Variants in CYSTM1 observed in about 807,000 individuals in gnomAD.
The protein encoded by CYSTM1 is cysteine-rich transmembrane module-containing protein 1.
Under a neutral mutation model 13.1 loss-of-function variants are expected in CYSTM1, and 4 were observed. The observed-to-expected ratio is 0.31, with a 90% CI of 0.15 to 0.70. The LOEUF is 0.70. Among genes scored for constraint, CYSTM1 ranks in the 30% least tolerant of loss-of-function variants. CYSTM1 has a pLI of 0.72. For missense variants in CYSTM1, 96 were observed against 121.6 expected (o/e 0.79, Z 0.99); for synonymous variants, 36 against 42.7 (o/e 0.84, Z 0.62).
intron 2 of CYSTM1, chr5:140,201,872 A>G (rs1450277649): frequency 1.3e-5 from 2 of 152,074 alleles, no homozygotes; most frequent in Non-Finnish European, 2.9e-5. Flanking sequence ...TTCTGAGGGA[A>G]CAAACATTGC....
At chr5:140,209,038 C>CAA (rs58604987) in intron 2 of CYSTM1, among the ~76,000 whole-genome samples, 1 of 91,394 alleles carries the variant, frequency 1.1e-5, no homozygotes, top group Non-Finnish European at 2.3e-5. Flanking sequence ...GACTCCATCT[C>CAA]AAAAAAAAAA....
At chr5:140,223,275 A>G (rs982247926) in intron 2 of CYSTM1, among the ~76,000 whole-genome samples, 1 of 152,226 alleles carries the variant, frequency 6.6e-6, no homozygotes, top group Non-Finnish European at 1.5e-5. Flanking sequence ...TGCTCTTCTC[A>G]GGGCTGATGG....
intron 2 of CYSTM1, among the ~76,000 whole-genome samples, chr5:140,235,923 G>T (rs756527720): frequency 6.6e-6 from 1 of 152,062 alleles, no homozygotes; most frequent in Non-Finnish European, 1.5e-5. Context: ...CCCCATTACT[G>T]CCCTTCAGTC....
rs76699878 is a variant in CYSTM1, at chr5:140,203,125, T to G, written c.187+8473T>G. On this transcript the variant is annotated intron_variant, in intron 2 of 2. Coordinates refer to ENST00000261811, the MANE Select transcript of CYSTM1 (RefSeq NM_032412.4). ...TAGGTGGGTTTTTTCCATGTTACAA[T>G]GCAAGAATGGAATCTGCCAGGCCTT... is the stretch of plus-strand genomic sequence containing the variant. 2.3e-4 allele frequency: 35 copies of G among 152,272 alleles called. No individual in the cohort carries two copies. The East Asian group carries it at 5.8e-3, about 25-fold the overall frequency. The allele number at this position is 152,272 out of a possible 1,614,324, so 9.4% of individuals were successfully genotyped here. A position where few individuals can be genotyped will look rare whatever the true frequency, so the allele number is the denominator to read the frequency against.
chr5:140,202,401 C>G, intron 2 of CYSTM1: 1 of 152,144 alleles, frequency 6.6e-6, no homozygotes, highest in East Asian at 1.9e-4. Flanking sequence ...CAGATCTTGC[C>G]AGAGCAGAAT....
At chr5:140,235,250 G>C (rs1241360168) in intron 2 of CYSTM1, among the ~76,000 whole-genome samples, 1 of 151,886 alleles carries the variant, frequency 6.6e-6, no homozygotes, top group Non-Finnish European at 1.5e-5. Flanking sequence ...TTACAGGTTT[G>C]AGCCACCAAG....
At chr5:140,187,048 C>A (rs1474386385) in intron 1 of CYSTM1, among the ~76,000 whole-genome samples, 1 of 152,130 alleles carries the variant, frequency 6.6e-6, no homozygotes, top group African/African-American at 2.4e-5. Context: ...ATCGCTTGAA[C>A]CCGGAAGGCA....
intron 2 of CYSTM1, among the ~76,000 whole-genome samples, chr5:140,214,703 G>T (rs1204820181): frequency 6.6e-6 from 1 of 152,206 alleles, no homozygotes; most frequent in African/African-American, 2.4e-5. Context: ...AAACAATGAG[G>T]ACATTGGTTT....
intron 1 of CYSTM1, among the ~76,000 whole-genome samples, chr5:140,182,421 T>C (rs1197436875): frequency 1.3e-5 from 2 of 152,116 alleles, no homozygotes; most frequent in Non-Finnish European, 2.9e-5. Context: ...GTAAATGCAA[T>C]GTGAAACCAC....
intron 2 of CYSTM1, among the ~76,000 whole-genome samples, chr5:140,226,381 C>G (rs1487975458): frequency 6.8e-6 from 1 of 148,014 alleles, no homozygotes; most frequent in African/African-American, 2.5e-5. Context: ...ATAATCCCAG[C>G]ACTTTGGGAG....
chr5:140,194,772 A>G (rs1008830466), intron 2 of CYSTM1, 120 bp downstream of exon 2: 2 of 1,244,458 alleles, frequency 1.6e-6, no homozygotes, highest in African/African-American at 3.1e-5. Flanking sequence ...GATGTCCCCA[A>G]AGCTTGATGA....
chr5:140,212,305 A>G (rs1390536789), intron 2 of CYSTM1, among the ~76,000 whole-genome samples: 1 of 152,152 alleles, frequency 6.6e-6, no homozygotes, highest in East Asian at 1.9e-4. Context: ...GAAAATTTCT[A>G]TCCCTAGTGA....
At chr5:140,181,933 G>A (rs1034012599) in intron 1 of CYSTM1, among the ~76,000 whole-genome samples, 1 of 152,130 alleles carries the variant, frequency 6.6e-6, no homozygotes, top group Non-Finnish European at 1.5e-5. Flanking sequence ...ACCTTCGGCC[G>A]GGTAGTTGTA....
At chr5:140,199,766 C>T (rs1310401312) in intron 2 of CYSTM1, among the ~76,000 whole-genome samples, 1 of 152,294 alleles carries the variant, frequency 6.6e-6, no homozygotes, top group East Asian at 1.9e-4. Flanking sequence ...GGATTACATG[C>T]GTGAGCCACG....
chr5:140,231,264 TTGG>T (rs1257665575), intron 2 of CYSTM1, among the ~76,000 whole-genome samples: 2 of 152,252 alleles, frequency 1.3e-5, no homozygotes, highest in African/African-American at 4.8e-5. Context: ...CATTTATTAC[TTGG>T]TGGAAATAAT....
intron 1 of CYSTM1, among the ~76,000 whole-genome samples, chr5:140,176,324 C>A (rs1482879260): frequency 1.3e-5 from 2 of 152,186 alleles, no homozygotes; most frequent in Admixed American, 6.5e-5. Flanking sequence ...GGGGCTCAGG[C>A]AGCCAGGTGC....
chr5:140,224,874 C>T (rs1329624000), intron 2 of CYSTM1, among the ~76,000 whole-genome samples: 2 of 152,102 alleles, frequency 1.3e-5, no homozygotes, highest in Admixed American at 6.5e-5. Flanking sequence ...CATCAGTCAT[C>T]GTGGTTTCAC....
chr5:140,190,694 C>T (rs1279297921), intron 1 of CYSTM1, among the ~76,000 whole-genome samples: 1 of 152,178 alleles, frequency 6.6e-6, no homozygotes, highest in Non-Finnish European at 1.5e-5. Flanking sequence ...TTCTGCCCTT[C>T]TCATTGTGTG....
chr5:140,190,586 T>C (rs942771126), intron 1 of CYSTM1, among the ~76,000 whole-genome samples: 5 of 152,122 alleles, frequency 3.3e-5, no homozygotes, highest in Admixed American at 2.6e-4. Context: ...AGGTGTCTTG[T>C]AATTTAAAAA....
Sources: allele counts gnomAD v4.1 joint callset (sites outside exome capture counted in the v4.1 genomes callset), GRCh38; gene constraint gnomAD v4.1.1; transcripts MANE v1.5; gene names NCBI Gene and HGNC (gene_info 2026-07-23, HGNC 2026-07-21).